Variants in SLC35F1 observed in about 807,000 individuals in gnomAD.
SLC35F1 encodes chromosome 6 open reading frame 169.
In SLC35F1, 14 loss-of-function variants were observed where a neutral mutation model predicts 48.7. The ratio of observed to expected loss-of-function variants is 0.29; its 90% CI spans 0.19 to 0.45. The LOEUF (loss-of-function observed/expected upper bound fraction) is 0.45. SLC35F1 is among the 20% of genes least tolerant of loss of function. The probability of loss-of-function intolerance (pLI) is 1.00; values close to 1 mark genes in which losing one functional copy is unlikely to be tolerated. For synonymous variants in SLC35F1, 190 were observed against 202.2 expected, an observed-to-expected ratio of 0.94 and a Z score of 0.51; for missense variants, 404 against 500.0, an observed-to-expected ratio of 0.81 and a Z score of 1.83.
At chr6:118,092,827 T>C (rs150284669) in intron 1 of SLC35F1, among the ~76,000 whole-genome samples, 1,695 of 152,292 alleles carry the variant, frequency 0.011, 27 homozygotes, top group African/African-American at 0.039. Flanking sequence ...ATGTCTCCCA[T>C]TTGGAACAGG....
intron 2 of SLC35F1, among the ~76,000 whole-genome samples, chr6:118,186,332 T>G (rs9489317): frequency 6.6e-6 from 1 of 151,684 alleles, no homozygotes; most frequent in Non-Finnish European, 1.5e-5. Flanking sequence ...TTCTACTCTA[T>G]GAGAGTAAAA....
At chr6:118,059,594 C>T (rs1013209065) in intron 1 of SLC35F1, among the ~76,000 whole-genome samples, 15 of 152,248 alleles carry the variant, frequency 9.9e-5, no homozygotes, top group African/African-American at 3.4e-4. Flanking sequence ...CATCGCAAGT[C>T]GGCATCATAG....
chr6:118,049,162 C>T (rs1435195334), intron 1 of SLC35F1, among the ~76,000 whole-genome samples: 5 of 152,110 alleles, frequency 3.3e-5, no homozygotes, highest in African/African-American at 9.6e-5. Flanking sequence ...GCTAGCCAAA[C>T]GTAGAAAGCT....
rs59548308 is a variant in SLC35F1 at position 118,085,487 on chromosome 6, C to CTTTTTTTTTTTTTTTTTTTTTTTTTT, written c.174-68955_174-68930dup. On this transcript the variant is annotated intron_variant, in intron 1 of 7. Coordinates refer to ENST00000360388, the MANE Select transcript of SLC35F1 (RefSeq NM_001029858.4). Reference sequence around the variant, plus strand: ...TTTTCTCTTTTTTTTTCTTTCTTTCCTTTTTTTTTTTTTTTTTTTTTTTTT... The same window carrying CTTTTTTTTTTTTTTTTTTTTTTTTTT: ...TTTTCTCTTTTTTTTTCTTTCTTTCCTTTTTTTTTTTTTTTTTTTTTTTTTTTTTTTTTTTTTTTTTTTTTTTTTTT... 3.9e-4 allele frequency among the ~76,000 whole-genome samples: 22 copies of CTTTTTTTTTTTTTTTTTTTTTTTTTT among 56,940 alleles called. 4 individuals are homozygous for CTTTTTTTTTTTTTTTTTTTTTTTTTT. Among genetic ancestry groups the CTTTTTTTTTTTTTTTTTTTTTTTTTT allele is most frequent in the East Asian group, 1.7e-3 (3 of 1,774 alleles). 37.4% of individuals were successfully genotyped at this position (56,940 alleles called of 152,430 possible).
At chr6:118,053,238 G>A (rs1444063303) in intron 1 of SLC35F1, among the ~76,000 whole-genome samples, 2 of 152,148 alleles carry the variant, frequency 1.3e-5, no homozygotes, top group Non-Finnish European at 2.9e-5. Context: ...CAGAGGATGT[G>A]TTACTTTGCT....
chr6:118,159,947 C>G (rs533525867), intron 2 of SLC35F1, among the ~76,000 whole-genome samples: 2 of 152,318 alleles, frequency 1.3e-5, no homozygotes, highest in African/African-American at 4.8e-5. Flanking sequence ...ATTTCCTCTT[C>G]CCTTTCTTCT....
chr6:118,285,389 T>C, intron 7 of SLC35F1, 51 bp downstream of exon 7: 2 of 1,600,648 alleles, frequency 1.2e-6, no homozygotes, highest in South Asian at 2.2e-5. Context: ...TAGGAAACAA[T>C]GAACATGGGT....
chr6:118,274,644 C>G (rs886136639), intron 4 of SLC35F1, among the ~76,000 whole-genome samples: 1 of 152,194 alleles, frequency 6.6e-6, no homozygotes, highest in Non-Finnish European at 1.5e-5. Flanking sequence ...GTGATCCACC[C>G]GCCTCGGCCT....
intron 1 of SLC35F1, among the ~76,000 whole-genome samples, chr6:118,142,837 T>G (rs191377173): frequency 4.4e-4 from 67 of 152,294 alleles, no homozygotes; most frequent in Non-Finnish European, 2.9e-5. Context: ...CATCTTTTGA[T>G]GCAAAGAATG....
chr6:117,994,582 T>C (rs1268529614), intron 1 of SLC35F1, among the ~76,000 whole-genome samples: 1 of 152,140 alleles, frequency 6.6e-6, no homozygotes, highest in African/African-American at 2.4e-5. Flanking sequence ...ATTTTATAAG[T>C]GAAGAAACTA....
chr6:118,100,494 G>A (rs1225996324), intron 1 of SLC35F1, among the ~76,000 whole-genome samples: 1 of 152,112 alleles, frequency 6.6e-6, no homozygotes, highest in Non-Finnish European at 1.5e-5. Context: ...ACAGAACTCA[G>A]GAAAGTGCTA....
At chr6:117,999,757 T>G (rs1451059342) in intron 1 of SLC35F1, among the ~76,000 whole-genome samples, 16 of 150,204 alleles carry the variant, frequency 1.1e-4, no homozygotes, top group South Asian at 4.2e-4. Context: ...TAAAAAATGA[T>G]AAAGGGGATA....
intron 2 of SLC35F1, among the ~76,000 whole-genome samples, chr6:118,229,579 A>G (rs999455644): frequency 4.6e-5 from 7 of 152,350 alleles, no homozygotes; most frequent in African/African-American, 1.7e-4. Flanking sequence ...AAATATTGCA[A>G]TGCTAATGAA....
intron 1 of SLC35F1, among the ~76,000 whole-genome samples, chr6:118,139,482 T>C (rs1356914233): frequency 6.6e-6 from 1 of 152,070 alleles, no homozygotes; most frequent in Non-Finnish European, 1.5e-5. Context: ...TGTTATGGAG[T>C]AGACATGCAG....
chr6:117,924,178 TAC>T (rs562251356), intron 1 of SLC35F1, among the ~76,000 whole-genome samples: 6 of 101,398 alleles, frequency 5.9e-5, no homozygotes, highest in African/African-American at 1.7e-4. Context: ...CATATGTATA[TAC>T]ACACATAGGT....
intron 7 of SLC35F1, among the ~76,000 whole-genome samples, chr6:118,303,905 A>G (rs1391196126): frequency 6.6e-6 from 1 of 152,318 alleles, no homozygotes; most frequent in East Asian, 1.9e-4. Context: ...GCTTCAACAT[A>G]TGAATTTTGG....
chr6:117,943,981 T>A lies in SLC35F1; in HGVS notation c.173+36082T>A, dbSNP rs544679492. Among the ~76,000 whole-genome samples, 6 of 152,302 alleles carry A rather than the reference T, an allele frequency of 3.9e-5. No individual in the cohort carries two copies. The East Asian group carries it at 9.6e-4, about 24-fold the overall frequency. On this transcript the variant is annotated intron_variant, in intron 1 of 7. Transcript: ENST00000360388. ...CTTCCATGAGAATGTTTCTTCACCATCCATAGATCTGATCTTTTCATGGGG... is the reference window on the plus strand; with the variant it reads ...CTTCCATGAGAATGTTTCTTCACCAACCATAGATCTGATCTTTTCATGGGG...
chr6:117,923,770 C>CAT (rs1775972048), intron 1 of SLC35F1, among the ~76,000 whole-genome samples: 1 of 91,172 alleles, frequency 1.1e-5, no homozygotes, highest in Non-Finnish European at 2.3e-5. Context: ...TATGCACATA[C>CAT]ATATGTATAT....
In SLC35F1 at chr6:118,014,232, A is replaced by G. The variant is rs138178803; in HGVS notation, c.173+106333A>G. 2.0e-3 allele frequency among the ~76,000 whole-genome samples: 298 copies of G among 152,360 alleles called. 1 individual carries two copies. The highest frequency in any genetic ancestry group is 6.9e-3 in the African/African-American group (287 of 41,580). On this transcript the variant is annotated intron_variant, in intron 1 of 7. Coordinates refer to ENST00000360388, the MANE Select transcript of SLC35F1 (RefSeq NM_001029858.4). Reference sequence around the variant, plus strand: ...ACCCAGCACATAGTGAACACTTAGTACATATAACCTACTACTATAAAGATC... The same window carrying G: ...ACCCAGCACATAGTGAACACTTAGTGCATATAACCTACTACTATAAAGATC...
Sources: gnomAD v4.1 joint callset for allele counts (sites outside exome capture counted in the v4.1 genomes callset) on GRCh38, gnomAD v4.1.1 for gene constraint, MANE v1.5 for transcripts, NCBI Gene and HGNC (gene_info 2026-07-23, HGNC 2026-07-21) for gene names.